The following XRCC4 variants were observed in gnomAD, a reference collection of about 807,000 sequenced individuals.
The protein encoded by XRCC4 is X-ray repair cross complementing 4, also known as DNA repair protein XRCC4.
XRCC4 carries 28 observed loss-of-function variants against 39.1 expected under a neutral mutation model. That is an observed-to-expected ratio of 0.72 (90% confidence interval 0.53 to 0.98). XRCC4 has a LOEUF of 0.98. Among genes scored for constraint, XRCC4 ranks in the 50% least tolerant of loss-of-function variants. The pLI is 0.00. For synonymous variants in XRCC4, 123 were observed against 126.4 expected (o/e 0.97, Z 0.18); for missense variants, 350 against 376.4 (o/e 0.93, Z 0.58).
intron 6 of XRCC4, among the ~76,000 whole-genome samples, chr5:83,250,135 T>C (rs1753252840): frequency 6.6e-6 from 1 of 152,192 alleles, no homozygotes; most frequent in Admixed American, 6.5e-5. Context: ...AAACATTTCA[T>C]GACATAGGTA....
chr5:83,203,490 T>C lies in XRCC4; in HGVS notation c.483-62T>C. 3.0e-6 allele frequency: 4 copies of C among 1,349,544 alleles called. No homozygotes were observed. In the South Asian group the frequency reaches 6.6e-5, roughly 22 times the overall value. The allele number at this position is 1,349,544 out of a possible 1,614,324, so 83.6% of individuals were successfully genotyped here. On this transcript the variant is annotated intron_variant, in intron 4 of 7. Coordinates refer to ENST00000396027, the MANE Select transcript of XRCC4 (RefSeq NM_003401.5). The stretch of plus-strand genomic sequence containing the variant: ...CTTGAAATCTTCTTGATTATTAGGC[T>C]GAATTATGTTAATGCTAAGCAGAAC...
At chr5:83,304,656 T>C (rs1755414800) in intron 7 of XRCC4, among the ~76,000 whole-genome samples, 2 of 152,220 alleles carry the variant, frequency 1.3e-5, no homozygotes, top group Admixed American at 1.3e-4. Context: ...TGTAGTCATT[T>C]AGAGAAACTC....
intron 3 of XRCC4, among the ~76,000 whole-genome samples, chr5:83,114,574 G>T (rs918006741): frequency 1.3e-5 from 2 of 152,158 alleles, no homozygotes; most frequent in African/African-American, 4.8e-5. Flanking sequence ...CCTAAGCCTG[G>T]ACTTCGTTGT....
intron 3 of XRCC4, among the ~76,000 whole-genome samples, chr5:83,170,284 T>C (rs942184324): frequency 6.6e-6 from 1 of 152,204 alleles, no homozygotes; most frequent in African/African-American, 2.4e-5. Context: ...CTATGTAATT[T>C]AAAATTTTAT....
chr5:83,293,085 G>A (rs569793034), intron 7 of XRCC4, among the ~76,000 whole-genome samples: 2 of 151,808 alleles, frequency 1.3e-5, no homozygotes, highest in African/African-American at 4.8e-5. Context: ...TGTGGAACTC[G>A]GGATTTGTCA....
chr5:83,213,281 A>G (rs1418324420), intron 6 of XRCC4, among the ~76,000 whole-genome samples: 1 of 152,146 alleles, frequency 6.6e-6, no homozygotes, highest in Non-Finnish European at 1.5e-5. Flanking sequence ...AAATGATAAC[A>G]TGAATCTACA....
intron 6 of XRCC4, among the ~76,000 whole-genome samples, chr5:83,231,593 C>T (rs543831842): frequency 6.6e-6 from 1 of 152,146 alleles, no homozygotes; most frequent in African/African-American, 2.4e-5. Context: ...GGACTCTTAT[C>T]GTTATTATCT....
chr5:83,255,856 G>A (rs542709840), intron 6 of XRCC4, among the ~76,000 whole-genome samples: 1 of 152,218 alleles, frequency 6.6e-6, no homozygotes, highest in South Asian at 2.1e-4. Context: ...GTTGTTCAGG[G>A]TTCATAGCTG....
intron 1 of XRCC4, among the ~76,000 whole-genome samples, chr5:83,090,862 AT>A: frequency 6.6e-6 from 1 of 152,164 alleles, no homozygotes; most frequent in Non-Finnish European, 1.5e-5. Flanking sequence ...CACACTCATT[AT>A]TTTTTGTTTG....
intron 1 of XRCC4, among the ~76,000 whole-genome samples, chr5:83,078,447 A>AT (rs965966730): frequency 6.6e-6 from 1 of 152,188 alleles, no homozygotes; most frequent in African/African-American, 2.4e-5. Context: ...AATGTTTTCA[A>AT]TTTTTTATGG....
intron 3 of XRCC4, among the ~76,000 whole-genome samples, chr5:83,145,209 A>G (rs1580287715): frequency 6.6e-6 from 1 of 152,300 alleles, no homozygotes; most frequent in South Asian, 2.1e-4. Flanking sequence ...AATTATTTTT[A>G]ATCCTTAATT....
At chr5:83,243,435 A>G (rs1245156801) in intron 6 of XRCC4, among the ~76,000 whole-genome samples, 2 of 152,182 alleles carry the variant, frequency 1.3e-5, no homozygotes, top group African/African-American at 4.8e-5. Context: ...TTCTCTGTAC[A>G]TACACTTCCC....
Position 83,181,053 on chromosome 5 carries a change from CT to C in XRCC4, c.316-14704del, listed in dbSNP as rs374001978. Among the ~76,000 whole-genome samples the C allele has an allele frequency of 8.5e-3, 1,184 of 139,350 alleles. 11 individuals are homozygous for C. Among genetic ancestry groups the C allele is most frequent in the African/African-American group, 0.029 (1,092 of 38,226 alleles). 91.4% of individuals were successfully genotyped at this position (139,350 alleles called of 152,430 possible). A position where few individuals can be genotyped will look rare whatever the true frequency, so the allele number is the denominator to read the frequency against. The stretch of plus-strand genomic sequence containing the variant: ...TGTCCCTGATTGTACTTTAAACTTT[CT>C]TTTTTTTTTTTTGCGAATTCTATTT... On this transcript the variant is annotated intron_variant, in intron 3 of 7. Coordinates refer to ENST00000396027, the MANE Select transcript of XRCC4 (RefSeq NM_003401.5).
intron 2 of XRCC4, among the ~76,000 whole-genome samples, chr5:83,106,951 T>C (rs1746228308): frequency 6.6e-6 from 1 of 152,082 alleles, no homozygotes; most frequent in Non-Finnish European, 1.5e-5. Context: ...TATTTACTTA[T>C]TGTTGACATT....
At chr5:83,354,462 T>C (rs1757166818), downstream of XRCC4, among the ~76,000 whole-genome samples, 1 of 152,230 alleles carries the variant, frequency 6.6e-6, no homozygotes, top group African/African-American at 2.4e-5. Flanking sequence ...CCAAATTTTA[T>C]ATGTACATAC....
Position 83,104,894 on chromosome 5 carries a change from T to C in XRCC4, c.-10-16T>C, listed in dbSNP as rs1312895915. On this transcript the variant is annotated splice_polypyrimidine_tract_variant and intron_variant, in intron 1 of 7. Transcript: ENST00000396027. ...CAGTTTCTTTTAAAAATATTAATTG[T>C]ATTCTCCCATTACAGGTATTAAGAA... is the stretch of plus-strand genomic sequence containing the variant. 6.2e-7 allele frequency: 1 copy of C among 1,607,818 alleles called. No individual in the cohort carries two copies. The highest frequency in any genetic ancestry group is 8.5e-7 in the Non-Finnish European group (1 of 1,175,174).
In XRCC4 at chr5:83,121,775, A is replaced by G. The variant is rs1356253054; in HGVS notation, c.315+10572A>G. Among the ~76,000 whole-genome samples, 9 of 152,072 alleles carry G rather than the reference A, an allele frequency of 5.9e-5. No homozygotes were observed. The East Asian group carries it at 7.7e-4, about 13-fold the overall frequency. On this transcript the variant is annotated intron_variant, in intron 3 of 7. Transcript: ENST00000396027. ...GATCACTTCTAATGCATTTTTGCCT[A>G]ACTTGTTGCAGACTTACGCTTTCAT...
chr5:83,293,242 T>C (rs1405723760), intron 7 of XRCC4, among the ~76,000 whole-genome samples: 2 of 151,932 alleles, frequency 1.3e-5, no homozygotes, highest in African/African-American at 4.8e-5. Flanking sequence ...CATAATGTCT[T>C]TCTTCCCTTC....
chr5:83,144,267 C>CTGTGTGTG (rs56769195), intron 3 of XRCC4, among the ~76,000 whole-genome samples: 15,412 of 139,954 alleles, frequency 0.11, 1,062 homozygotes, highest in South Asian at 0.19. Context: ...TAATATTCCT[C>CTGTGTGTG]TGTGTGTGTG....
Sources: allele counts gnomAD v4.1 joint callset (sites outside exome capture counted in the v4.1 genomes callset), GRCh38; gene constraint gnomAD v4.1.1; transcripts MANE v1.5; gene names NCBI Gene and HGNC (gene_info 2026-07-23, HGNC 2026-07-21).